CCDC40: variants seen among roughly 807,000 people sequenced by gnomAD.
CCDC40 encodes coiled-coil domain 40 molecular ruler complex subunit.
Under a neutral mutation model 124.5 loss-of-function variants are expected in CCDC40, and 104 were observed. That is an observed-to-expected ratio of 0.84 (90% CI 0.71 to 0.98). CCDC40 has a LOEUF of 0.98. Among genes scored for constraint, CCDC40 ranks in the 50% least tolerant of loss-of-function variants. The pLI, the probability that CCDC40 is intolerant of heterozygous loss-of-function variation, is 0.00. For missense variants in CCDC40, 1,463 were observed against 1,503.9 expected (o/e 0.97, Z 0.45); for synonymous variants, 580 against 602.9 (o/e 0.96, Z 0.56).
chr17:80,044,449 C>T (rs531117570), intron 3 of CCDC40, among the ~76,000 whole-genome samples: 38 of 152,194 alleles, frequency 2.5e-4, no homozygotes, highest in African/African-American at 8.7e-4. Flanking sequence ...TTTGGGAGGC[C>T]GATGCAGGCG....
chr17:80,047,560 T>G (rs1047655824), intron 4 of CCDC40, 158 bp downstream of exon 4: 2 of 723,086 alleles, frequency 2.8e-6, no homozygotes, highest in African/African-American at 3.5e-5. Context: ...GGATAACATT[T>G]ATTGGGCATT....
intron 17 of CCDC40, among the ~76,000 whole-genome samples, chr17:80,093,134 GC>G (rs2038749780): frequency 6.6e-6 from 1 of 152,144 alleles, no homozygotes; most frequent in Non-Finnish European, 1.5e-5. Flanking sequence ...CTTCACCAAT[GC>G]CCTGCTGTCT....
rs766774588 is a variant in CCDC40, at chr17:80,050,138, G to C, written c.1014G>C (p.Leu338=). 6.2e-7 allele frequency: 1 copy of C among 1,613,632 alleles called. No homozygotes were observed. The highest frequency in any genetic ancestry group is 1.3e-5 in the African/African-American group (1 of 74,922). ...GVNLYEVQQH[L]VHLQKLLEKS... ...ATCTCTATGAGGTGCAGCAGCACCT[G>C]GTACACCTGCAGAAGCTGCTGGAGA... Residue 338 remains leucine, a synonymous_variant, in exon 7 of 20, where the codon CTG becomes CTC. Transcript: ENST00000397545.
intron 7 of CCDC40, among the ~76,000 whole-genome samples, chr17:80,057,140 T>G (rs1049536726): frequency 6.6e-6 from 1 of 152,064 alleles, no homozygotes; most frequent in Non-Finnish European, 1.5e-5. Flanking sequence ...AGGTTGCTTT[T>G]TTTTTGAGAC....
At chr17:80,078,106 C>T (rs111358814) in intron 10 of CCDC40, among the ~76,000 whole-genome samples, 12 of 152,028 alleles carry the variant, frequency 7.9e-5, no homozygotes, top group East Asian at 1.9e-4. Context: ...CCAAGGTGGG[C>T]GGATCACGAG....
intron 1 of CCDC40, 49 bp from the exon 2 acceptor site, chr17:80,038,074 A>G: frequency 1.5e-6 from 2 of 1,320,140 alleles, no homozygotes; most frequent in Non-Finnish European, 2.2e-6. Flanking sequence ...AAGGACCAAG[A>G]AAAAGAAAGC....
At chr17:80,082,895 C>G (rs1017534412) in intron 12 of CCDC40, among the ~76,000 whole-genome samples, 3 of 152,196 alleles carry the variant, frequency 2.0e-5, no homozygotes, top group Admixed American at 6.5e-5. Flanking sequence ...ATTTTCCAAC[C>G]GATGCCAGTC....
At chr17:80,090,242 CA>C in intron 17 of CCDC40, 9 of 875,208 alleles carry the variant, frequency 1.0e-5, no homozygotes, top group East Asian at 6.2e-5. Flanking sequence ...CAGGCACGTG[CA>C]CGAACAACAC....
intron 17 of CCDC40, among the ~76,000 whole-genome samples, chr17:80,091,004 G>A (rs1015476616): frequency 4.6e-5 from 7 of 152,210 alleles, no homozygotes; most frequent in Non-Finnish European, 1.0e-4. Context: ...GCTCCTCCCT[G>A]TCCCTTCTTC....
At chr17:80,048,539 T>A in intron 4 of CCDC40, 44 bp from the exon 5 acceptor site, 1 of 1,526,362 alleles carries the variant, frequency 6.6e-7, no homozygotes, top group Non-Finnish European at 9.1e-7. Context: ...CACTGAGGCT[T>A]CTCTCCAGCA....
intron 4 of CCDC40, among the ~76,000 whole-genome samples, chr17:80,047,743 G>A (rs930491086): frequency 2.0e-5 from 3 of 152,068 alleles, no homozygotes; most frequent in African/African-American, 4.8e-5. Flanking sequence ...CATTTCTCAC[G>A]GGCTCCTGGT....
At chr17:80,057,145 T>G (rs2037769689) in intron 7 of CCDC40, among the ~76,000 whole-genome samples, 1 of 152,048 alleles carries the variant, frequency 6.6e-6, no homozygotes, top group Non-Finnish European at 1.5e-5. Flanking sequence ...GCTTTTTTTT[T>G]GAGACAGAGT....
At chr17:80,067,279 A>AT in intron 10 of CCDC40, 1 of 513,974 alleles carries the variant, frequency 1.9e-6, no homozygotes, top group Non-Finnish European at 3.5e-6. Flanking sequence ...GGTTGCAAAC[A>AT]TTGTAAAAAT....
intron 17 of CCDC40, chr17:80,090,692 A>T (rs2038708630): frequency 7.0e-7 from 1 of 1,425,476 alleles, no homozygotes; most frequent in Non-Finnish European, 9.1e-7. Context: ...TCACAATTAG[A>T]TTTCATTGCC....
At position 80,038,125 on chromosome 17, in the gene CCDC40, C is replaced by T; in HGVS notation, c.32C>T (p.Ser11Phe). MAEPGGAAGR[S>F]HPEDGSASEG... ...TTCAATTGTTTCTCTAAAACCAGGT[C>T]CCATCCGGAAGATGGATCGGCTTCT... Residue 11 changes from serine to phenylalanine, a missense_variant and splice_region_variant, in exon 2 of 20, where the codon TCC (serine) becomes TTC (phenylalanine). By Grantham distance (155) the Ser-to-Phe change is radical (BLOSUM62 -2). Coordinates refer to ENST00000397545, the MANE Select transcript of CCDC40 (RefSeq NM_017950.4). 6.2e-7 allele frequency: 1 copy of T among 1,606,840 alleles called. No homozygotes were observed. The highest frequency in any genetic ancestry group is 1.3e-5 in the African/African-American group (1 of 74,858).
Position 80,039,807 on chromosome 17 carries a change from T to C in CCDC40, c.94-5T>C. ...CCTGATTTTTTTCCTGCCACACCTT[T>C]ACAGGTGTCACCACCAGAGAAGGAT... On this transcript the variant is annotated splice_polypyrimidine_tract_variant and splice_region_variant and intron_variant, in intron 2 of 19. Transcript: ENST00000397545. The C allele has an allele frequency of 6.2e-7, 1 of 1,613,156 alleles. No homozygotes were observed. Among genetic ancestry groups the C allele is most frequent in the Non-Finnish European group, 8.5e-7 (1 of 1,179,248 alleles).
chr17:80,049,702 C>CAAAA (rs1598487442), intron 5 of CCDC40, among the ~76,000 whole-genome samples: 1 of 152,138 alleles, frequency 6.6e-6, no homozygotes, highest in East Asian at 1.9e-4. Flanking sequence ...GCACTCAGTT[C>CAAAA]TCTGCAAGTG....
chr17:80,049,838 G>C, intron 5 of CCDC40, 68 bp from the exon 6 acceptor site: 1 of 1,396,982 alleles, frequency 7.2e-7, no homozygotes, highest in South Asian at 1.2e-5. Flanking sequence ...TGGCCACCTG[G>C]GCTGAGCCCT....
rs1278192178 is a variant in CCDC40, at chr17:80,066,115, TA to T, written c.1562+513del. ...GAGACACAGGTGCTGCCTTCATTCC[TA>T]AAACCACCCAGGGTGACCAGGTCTC... On this transcript the variant is annotated intron_variant, in intron 10 of 19. Transcript: ENST00000397545. This position sits in a 1 kb window ranked among gnomAD's most constrained non-coding sequence, Gnocchi z 4.4. 1.4e-6 allele frequency: 1 copy of T among 702,888 alleles called. No individual in the cohort carries two copies. Among genetic ancestry groups the T allele is most frequent in the Admixed American group, 2.0e-5 (1 of 50,000 alleles). The allele number at this position is 702,888 out of a possible 1,614,324, so 43.5% of individuals were successfully genotyped here.
Sources: allele counts gnomAD v4.1 joint callset (sites outside exome capture counted in the v4.1 genomes callset), GRCh38; gene constraint gnomAD v4.1.1; non-coding constraint Gnocchi (gnomAD v3.1); transcripts MANE v1.5; gene names NCBI Gene and HGNC (gene_info 2026-07-23, HGNC 2026-07-21).